FSIP1: variants seen among roughly 807,000 people sequenced by gnomAD.
The protein encoded by FSIP1 is fibrous sheath interacting protein 1.
Under a neutral mutation model 60.9 loss-of-function variants are expected in FSIP1, and 65 were observed. The ratio of observed to expected loss-of-function variants is 1.07; its 90% CI spans 0.87 to 1.31. The LOEUF is 1.31. Among genes scored for constraint, FSIP1 ranks in the 40% most tolerant of loss-of-function variants. The pLI is 0.00. For missense variants in FSIP1, 675 were observed against 665.5 expected, an observed-to-expected ratio of 1.01 and a Z score of -0.16; for synonymous variants, 209 against 221.2, an observed-to-expected ratio of 0.94 and a Z score of 0.49.
chr15:39,768,390 A>G (rs1315772288), intron 3 of FSIP1, among the ~76,000 whole-genome samples: 1 of 152,244 alleles, frequency 6.6e-6, no homozygotes, highest in African/African-American at 2.4e-5. Context: ...ATTGATAATG[A>G]ACATATTAGA....
At chr15:39,695,396 T>A (rs1307590094) in intron 10 of FSIP1, among the ~76,000 whole-genome samples, 2 of 151,810 alleles carry the variant, frequency 1.3e-5, no homozygotes, top group Non-Finnish European at 2.9e-5. Flanking sequence ...CCTATAAAGT[T>A]TTCTTGCCAA....
chr15:39,774,892 C>G (rs1044079287), intron 2 of FSIP1, among the ~76,000 whole-genome samples: 1 of 152,220 alleles, frequency 6.6e-6, no homozygotes, highest in Non-Finnish European at 1.5e-5. Context: ...TGGATTACAG[C>G]TCTGGTGGCG....
intron 3 of FSIP1, among the ~76,000 whole-genome samples, chr15:39,769,657 T>C (rs1396558794): frequency 1.3e-5 from 2 of 152,238 alleles, no homozygotes; most frequent in Non-Finnish European, 2.9e-5. Flanking sequence ...AGAAGATGCA[T>C]ATTTAAGGGT....
At chr15:39,665,721 A>C (rs1421520630) in intron 10 of FSIP1, among the ~76,000 whole-genome samples, 1 of 152,184 alleles carries the variant, frequency 6.6e-6, no homozygotes, top group Non-Finnish European at 1.5e-5. Context: ...TATTAGTAAA[A>C]GAAGAGTAAA....
downstream of FSIP1, chr15:39,599,245 A>ATTAG (rs1263388469): frequency 7.9e-5 from 12 of 152,310 alleles, no homozygotes; most frequent in African/African-American, 2.9e-4. Context: ...TTTTTGTTGA[A>ATTAG]TTACGTTACA....
intron 10 of FSIP1, 44 bp downstream of exon 10, chr15:39,713,400 C>T (rs1237298076): frequency 1.3e-6 from 2 of 1,545,722 alleles, no homozygotes; most frequent in Non-Finnish European, 1.7e-6. Context: ...GAACCTGCCT[C>T]TATTTTTTTC....
intron 10 of FSIP1, among the ~76,000 whole-genome samples, chr15:39,638,345 GGA>G (rs1453353075): frequency 6.6e-6 from 1 of 152,212 alleles, no homozygotes; most frequent in Non-Finnish European, 1.5e-5. Flanking sequence ...GAGAGCCAAT[GGA>G]GCAACACTGG....
At chr15:39,649,104 CTG>C (rs1461469222) in intron 10 of FSIP1, among the ~76,000 whole-genome samples, 1 of 152,136 alleles carries the variant, frequency 6.6e-6, no homozygotes, top group African/African-American at 2.4e-5. Flanking sequence ...ACACATTTGA[CTG>C]GACACGATTT....
intron 8 of FSIP1, among the ~76,000 whole-genome samples, chr15:39,729,416 T>C (rs1183225245): frequency 6.6e-6 from 1 of 152,052 alleles, no homozygotes; most frequent in South Asian, 2.1e-4. Context: ...TACAAAAAAA[T>C]TTTAAAAATT....
chr15:39,646,518 T>TAAAA (rs1892616399), intron 10 of FSIP1, among the ~76,000 whole-genome samples: 1 of 13,156 alleles, frequency 7.6e-5, no homozygotes, highest in African/African-American at 7.9e-4. Flanking sequence ...ACCTCATCTC[T>TAAAA]ACAAAAAAAA....
intron 1 of FSIP1, among the ~76,000 whole-genome samples, chr15:39,777,547 A>G (rs1898104548): frequency 6.6e-6 from 1 of 152,172 alleles, no homozygotes; most frequent in Admixed American, 6.5e-5. Context: ...TCCGGAAGCA[A>G]GAAATACTAG....
At position 39,705,406 on chromosome 15, in the gene FSIP1, A is replaced by G. The variant is rs143774460; in HGVS notation, c.1188+8038T>C. ...AGACAAATCATGAATTATTGTTACT[A>G]TTCATTTAAATTACTCAAAAAGTCC... On this transcript the variant is annotated intron_variant, in intron 10 of 11. Transcript: ENST00000350221. Among the ~76,000 whole-genome samples the G allele has an allele frequency of 1.2e-3, 180 of 152,298 alleles. No homozygotes were observed. The East Asian group carries it at 0.028, about 24-fold the overall frequency.
chr15:39,694,703 G>A (rs1477575421), intron 10 of FSIP1, among the ~76,000 whole-genome samples: 1 of 151,902 alleles, frequency 6.6e-6, no homozygotes, highest in Non-Finnish European at 1.5e-5. Flanking sequence ...AGGAGGCCGA[G>A]GCAGGAAAAT....
intron 10 of FSIP1, among the ~76,000 whole-genome samples, chr15:39,653,874 G>C (rs1892971333): frequency 6.6e-6 from 1 of 152,116 alleles, no homozygotes; most frequent in Non-Finnish European, 1.5e-5. Context: ...CCCAGTCTCA[G>C]GTATGCCTTC....
intron 3 of FSIP1, among the ~76,000 whole-genome samples, chr15:39,769,485 C>T (rs972921418): frequency 6.6e-6 from 1 of 152,132 alleles, no homozygotes; most frequent in African/African-American, 2.4e-5. Context: ...AATTGTTTGT[C>T]AGTCATTCTT....
At chr15:39,670,564 C>G (rs1054619369) in intron 10 of FSIP1, among the ~76,000 whole-genome samples, 1 of 152,168 alleles carries the variant, frequency 6.6e-6, no homozygotes, top group Non-Finnish European at 1.5e-5. Flanking sequence ...TCACTGCAGC[C>G]TCAATATTAT....
At chr15:39,710,441 G>GAAAAAAAAAAAAAAAAAAAACAAAA (rs1895456903) in intron 10 of FSIP1, among the ~76,000 whole-genome samples, 1 of 74,236 alleles carries the variant, frequency 1.3e-5, no homozygotes, top group Non-Finnish European at 3.0e-5. Flanking sequence ...CTCTGTCTCA[G>GAAAAAAAAAAAAAAAAAAAACAAAA]AAAAAAAAAA....
intron 10 of FSIP1, among the ~76,000 whole-genome samples, chr15:39,659,626 TTAAAAA>T (rs1893217466): frequency 1.5e-5 from 2 of 133,780 alleles, no homozygotes; most frequent in Non-Finnish European, 3.2e-5. Flanking sequence ...AGCTGTTATT[TTAAAAA>T]AAAAAAAAAA....
chr15:39,658,939 A>T (rs1244407455), intron 10 of FSIP1, among the ~76,000 whole-genome samples: 1 of 152,252 alleles, frequency 6.6e-6, no homozygotes, highest in Admixed American at 6.5e-5. Flanking sequence ...AGTAAACAAA[A>T]TGTGGTATAT....
Sources: gnomAD v4.1 joint callset for allele counts (sites outside exome capture counted in the v4.1 genomes callset) on GRCh38, gnomAD v4.1.1 for gene constraint, MANE v1.5 for transcripts, NCBI Gene and HGNC (gene_info 2026-07-23, HGNC 2026-07-21) for gene names.